The following DMD variants were observed in gnomAD, a reference collection of about 807,000 sequenced individuals.
The protein encoded by DMD is mutant dystrophin.
DMD carries 63 observed loss-of-function variants against 330.1 expected under a neutral mutation model. The ratio of observed to expected loss-of-function variants is 0.19; its 90% CI spans 0.16 to 0.24. The LOEUF is 0.24. Ranked by LOEUF, DMD falls within the 10% of genes least tolerant of loss-of-function variation. DMD has a pLI of 1.00. For synonymous variants in DMD, 1,223 were observed against 959.8 expected (o/e 1.27, Z -5.07); for missense variants, 3,344 against 2,684.1 (o/e 1.25, Z -5.43).
intron 5 of DMD, among the ~76,000 whole-genome samples, chrX:32,818,368 A>G (rs16990697): frequency 0.093 from 10,327 of 110,779 alleles, 1,104 homozygotes; most frequent in African/African-American, 0.31. Context: ...TTAGGTGCAA[A>G]TGTTGCTCAG....
At chrX:32,867,393 G>A (rs188890398) in intron 2 of DMD, among the ~76,000 whole-genome samples, 236 of 111,995 alleles carry the variant, frequency 2.1e-3, no homozygotes, top group African/African-American at 7.4e-3. Context: ...TTAAAATAAA[G>A]TTGAATAAGA....
At chrX:31,230,017 G>A (rs2047038261) in intron 63 of DMD, among the ~76,000 whole-genome samples, 1 of 111,961 alleles carries the variant, frequency 8.9e-6, no homozygotes, top group Non-Finnish European at 1.9e-5. Flanking sequence ...AGAATTATTG[G>A]GAGATCTTCA....
intron 44 of DMD, among the ~76,000 whole-genome samples, chrX:32,082,955 A>T (rs2096404843): frequency 8.9e-6 from 1 of 111,748 alleles, no homozygotes; most frequent in Non-Finnish European, 1.9e-5. Flanking sequence ...GGGAGTCAAT[A>T]TTAGATCCAA....
chrX:33,248,419 T>C (rs1405926136), intron 1 of DMD, among the ~76,000 whole-genome samples: 1 of 112,487 alleles, frequency 8.9e-6, no homozygotes, highest in Non-Finnish European at 1.9e-5. Context: ...TTTTTTTCTA[T>C]GAGGAAATTA....
intron 50 of DMD, among the ~76,000 whole-genome samples, chrX:31,817,574 C>T (rs1686960694): frequency 9.1e-6 from 1 of 109,952 alleles, no homozygotes. Flanking sequence ...TGAGAAAATT[C>T]CTCTTTCCCT....
At chrX:32,872,814 G>A (rs1478821278) in intron 2 of DMD, among the ~76,000 whole-genome samples, 1 of 111,721 alleles carries the variant, frequency 9.0e-6, no homozygotes, top group East Asian at 2.8e-4. Flanking sequence ...GCTTTTACAG[G>A]CTTTGGGTAG....
At chrX:31,897,039 A>T (rs1207909011) in intron 47 of DMD, among the ~76,000 whole-genome samples, 2 of 110,351 alleles carry the variant, frequency 1.8e-5, no homozygotes, top group Non-Finnish European at 3.8e-5. Flanking sequence ...GTCATCTAGC[A>T]TTGGGTATAT....
chrX:32,911,157 C>G lies in DMD; in HGVS notation c.94-61337G>C, dbSNP rs73466812. ...GGAACCTCTGAATCCTTTATTGACACTGAAGGTCCATGATAGTGCCTGCAA... is the reference window on the plus strand; with the variant it reads ...GGAACCTCTGAATCCTTTATTGACAGTGAAGGTCCATGATAGTGCCTGCAA... On this transcript the variant is annotated intron_variant, in intron 2 of 78. Transcript: ENST00000357033. Among the ~76,000 whole-genome samples, 765 of 112,419 alleles carry G rather than the reference C, an allele frequency of 6.8e-3. 5 individuals are homozygous for G. Among genetic ancestry groups the G allele is most frequent in the African/African-American group, 0.023 (726 of 30,970 alleles).
chrX:31,579,556 A>C (rs931714755), intron 55 of DMD, among the ~76,000 whole-genome samples: 1 of 112,279 alleles, frequency 8.9e-6, no homozygotes, highest in African/African-American at 3.2e-5. Flanking sequence ...TACACAGATA[A>C]ACAGCTTATA....
chrX:32,035,261 A>T (rs866845531), intron 44 of DMD, among the ~76,000 whole-genome samples: 7 of 112,065 alleles, frequency 6.2e-5, no homozygotes, highest in Non-Finnish European at 1.1e-4. Context: ...TATTTGATTT[A>T]AAAAATTTAA....
chrX:33,216,807 C>T (rs1289568151), intron 1 of DMD, among the ~76,000 whole-genome samples: 4 of 110,600 alleles, frequency 3.6e-5, no homozygotes, highest in African/African-American at 1.3e-4. Context: ...CCAATATTAA[C>T]CAGTCATCCT....
rs992434077 is a variant in DMD at position 31,625,994 on chromosome X, A to G, written c.8217+1679T>C. Among the ~76,000 whole-genome samples the G allele has an allele frequency of 3.6e-5, 4 of 110,853 alleles. No homozygotes were observed. The East Asian group carries it at 1.1e-3, about 31-fold the overall frequency. On this transcript the variant is annotated intron_variant, in intron 55 of 78. Coordinates refer to ENST00000357033, the MANE Select transcript of DMD (RefSeq NM_004006.3). ...CCCATGTATTTTTATTTATTTATTTATTTGTTTTGAGATGAAGTCTCACTT... is the reference window on the plus strand; with the variant it reads ...CCCATGTATTTTTATTTATTTATTTGTTTGTTTTGAGATGAAGTCTCACTT...
At chrX:32,754,596 T>C (rs1327172623) in intron 7 of DMD, among the ~76,000 whole-genome samples, 2 of 110,450 alleles carry the variant, frequency 1.8e-5, no homozygotes, top group African/African-American at 3.3e-5. Flanking sequence ...TTCAACCTGA[T>C]GAGACCATCA....
chrX:33,204,393 T>C (rs1219405148), intron 1 of DMD, among the ~76,000 whole-genome samples: 1 of 111,826 alleles, frequency 8.9e-6, no homozygotes, highest in Non-Finnish European at 1.9e-5. Flanking sequence ...CATTGCTCCC[T>C]CTGACAGGGA....
At chrX:31,301,409 A>AGG (rs763563907) in intron 62 of DMD, among the ~76,000 whole-genome samples, 1 of 112,057 alleles carries the variant, frequency 8.9e-6, no homozygotes, top group East Asian at 2.8e-4. Context: ...GGGAGCCCTC[A>AGG]GGAAGCTTAA....
chrX:33,020,078 T>G, intron 2 of DMD, 61 bp downstream of exon 2: 2 of 902,978 alleles, frequency 2.2e-6, no homozygotes, highest in Non-Finnish European at 3.2e-6. Context: ...CACAGGTACA[T>G]AGTCCATTTT....
At chrX:32,538,042 G>T (rs1420318159) in intron 17 of DMD, among the ~76,000 whole-genome samples, 1 of 112,214 alleles carries the variant, frequency 8.9e-6, no homozygotes, top group Non-Finnish European at 1.9e-5. Flanking sequence ...GCCCAGGGAA[G>T]CTTTAATTCT....
intron 44 of DMD, among the ~76,000 whole-genome samples, chrX:32,124,940 T>A (rs2096654191): frequency 9.6e-6 from 1 of 104,059 alleles, no homozygotes; most frequent in Non-Finnish European, 2.0e-5. Flanking sequence ...AAAAAGAGAT[T>A]ACAGCACTGT....
At chrX:31,146,803 A>T (rs1487704918) in intron 75 of DMD, among the ~76,000 whole-genome samples, 1 of 112,326 alleles carries the variant, frequency 8.9e-6, no homozygotes. Flanking sequence ...TGAAAAATTT[A>T]AAATTCCCAG....
Sources: gnomAD v4.1 joint callset for allele counts (sites outside exome capture counted in the v4.1 genomes callset) on GRCh38, gnomAD v4.1.1 for gene constraint, MANE v1.5 for transcripts, NCBI Gene and HGNC (gene_info 2026-07-23, HGNC 2026-07-21) for gene names.